Variants in MYO1D observed in about 807,000 individuals in gnomAD.
MYO1D encodes the protein unconventional myosin-Id.
MYO1D carries 83 observed loss-of-function variants against 122.0 expected under a neutral mutation model. The observed-to-expected ratio is 0.68, with a 90% CI of 0.57 to 0.82. The LOEUF (loss-of-function observed/expected upper bound fraction) is 0.82, where lower values mean the gene tolerates loss of function less well. MYO1D is among the 40% of genes least tolerant of loss of function. The pLI is 0.00. For missense variants in MYO1D, 1,157 were observed against 1,269.5 expected (o/e 0.91, Z 1.35); for synonymous variants, 464 against 446.9 (o/e 1.04, Z -0.48).
intron 19 of MYO1D, among the ~76,000 whole-genome samples, chr17:32,646,552 A>C (rs1451887719): frequency 1.3e-5 from 2 of 152,070 alleles, no homozygotes; most frequent in Non-Finnish European, 2.9e-5. Flanking sequence ...AGGGCAAAAG[A>C]ATATGATTTA....
At chr17:32,544,680 A>G (rs1181026848) in intron 21 of MYO1D, among the ~76,000 whole-genome samples, 1 of 152,194 alleles carries the variant, frequency 6.6e-6, no homozygotes, top group African/African-American at 2.4e-5. Context: ...AAGTAGGTAT[A>G]CTTGCATATA....
At chr17:32,671,301 C>T (rs1255173123) in intron 16 of MYO1D, among the ~76,000 whole-genome samples, 1 of 152,208 alleles carries the variant, frequency 6.6e-6, no homozygotes, top group Non-Finnish European at 1.5e-5. Flanking sequence ...CCCATACTCG[C>T]TCGCCCACGT....
intron 1 of MYO1D, among the ~76,000 whole-genome samples, chr17:32,839,369 A>G (rs1390191736): frequency 1.3e-5 from 2 of 152,270 alleles, no homozygotes; most frequent in African/African-American, 4.8e-5. Flanking sequence ...CCTTATCAAA[A>G]TAATTGTAAC....
chr17:32,612,885 C>T (rs1421163695), intron 20 of MYO1D, among the ~76,000 whole-genome samples: 1 of 151,868 alleles, frequency 6.6e-6, no homozygotes, highest in Non-Finnish European at 1.5e-5. Context: ...CTTCCCACCC[C>T]AGCCTCCCAT....
At chr17:32,813,712 G>A (rs1164385048) in intron 1 of MYO1D, among the ~76,000 whole-genome samples, 2 of 152,328 alleles carry the variant, frequency 1.3e-5, no homozygotes, top group Admixed American at 6.5e-5. Flanking sequence ...TCCAAGTCAT[G>A]TTAAGAAGTT....
intron 1 of MYO1D, among the ~76,000 whole-genome samples, chr17:32,841,521 A>G (rs1168703414): frequency 1.3e-5 from 2 of 152,054 alleles, no homozygotes; most frequent in African/African-American, 4.8e-5. Context: ...CTGCATTTAA[A>G]TTGTAGCTCC....
chr17:32,528,132 C>T (rs58945645), intron 21 of MYO1D, among the ~76,000 whole-genome samples: 1,843 of 152,322 alleles, frequency 0.012, 23 homozygotes, highest in Middle Eastern at 0.048. Context: ...CCACTGCGCC[C>T]GGCTGACTTG....
At chr17:32,811,543 T>C (rs2090571941) in intron 1 of MYO1D, among the ~76,000 whole-genome samples, 1 of 151,242 alleles carries the variant, frequency 6.6e-6, no homozygotes, top group Non-Finnish European at 1.5e-5. Context: ...TTACTTCTAA[T>C]CATGAAATAT....
intron 21 of MYO1D, among the ~76,000 whole-genome samples, chr17:32,503,393 A>T (rs1909387203): frequency 6.6e-6 from 1 of 152,234 alleles, no homozygotes; most frequent in South Asian, 2.1e-4. Context: ...GCCAGGCAGG[A>T]CTTGAAGAAA....
In MYO1D at chr17:32,705,184, T is replaced by C. The variant is rs1032697374; in HGVS notation, c.2121+6804A>G. Among the ~76,000 whole-genome samples the C allele has an allele frequency of 2.4e-4, 36 of 152,120 alleles. 1 individual carries two copies. Among genetic ancestry groups the C allele is most frequent in the Non-Finnish European group, 1.2e-4 (8 of 68,026 alleles). ...CCAATGCAGATAGAAAATACAATATTCACAGGATGTGAAACCTGTGTATAC... is the reference window on the plus strand; with the variant it reads ...CCAATGCAGATAGAAAATACAATATCCACAGGATGTGAAACCTGTGTATAC... On this transcript the variant is annotated intron_variant, in intron 16 of 21. Transcript: ENST00000318217.
chr17:32,852,507 T>C (rs2090997929), intron 1 of MYO1D, among the ~76,000 whole-genome samples: 1 of 152,200 alleles, frequency 6.6e-6, no homozygotes, highest in African/African-American at 2.4e-5. Context: ...AGAATTGTGA[T>C]CTTAGAAAAT....
chr17:32,524,448 G>A (rs532659437), intron 21 of MYO1D, among the ~76,000 whole-genome samples: 8 of 151,836 alleles, frequency 5.3e-5, no homozygotes, highest in Non-Finnish European at 8.8e-5. Context: ...GCTGGAGTGC[G>A]GTGGCACCAT....
intron 1 of MYO1D, among the ~76,000 whole-genome samples, chr17:32,869,312 G>C (rs988050861): frequency 6.6e-6 from 1 of 152,136 alleles, no homozygotes; most frequent in Admixed American, 6.5e-5. Context: ...CCAAATCAAG[G>C]CATCTAATAA....
intron 21 of MYO1D, among the ~76,000 whole-genome samples, chr17:32,524,563 T>A (rs1910273290): frequency 1.7e-5 from 2 of 121,164 alleles, no homozygotes; most frequent in Non-Finnish European, 3.7e-5. Flanking sequence ...CCTGATTAAT[T>A]CTTTTTTTTT....
intron 8 of MYO1D, among the ~76,000 whole-genome samples, chr17:32,762,758 T>G (rs1405912938): frequency 3.3e-5 from 5 of 150,740 alleles, no homozygotes; most frequent in Non-Finnish European, 5.9e-5. Flanking sequence ...CCTGTAATCC[T>G]AGCTACTCAG....
At chr17:32,505,973 C>T (rs1011702228) in intron 21 of MYO1D, among the ~76,000 whole-genome samples, 1 of 152,228 alleles carries the variant, frequency 6.6e-6, no homozygotes, top group Non-Finnish European at 1.5e-5. Flanking sequence ...AATCCTAGCA[C>T]TTTGGGAGGC....
chr17:32,721,449 T>A (rs1279747385), intron 14 of MYO1D, among the ~76,000 whole-genome samples: 2 of 152,286 alleles, frequency 1.3e-5, no homozygotes, highest in East Asian at 1.9e-4. Flanking sequence ...AACTAGGAAG[T>A]AAATAACAGA....
chr17:32,691,397 G>C (rs536563218), intron 16 of MYO1D, among the ~76,000 whole-genome samples: 12 of 141,942 alleles, frequency 8.5e-5, no homozygotes, highest in Non-Finnish European at 1.4e-4. Context: ...ATGTTGCAAA[G>C]AAAATTCTTT....
intron 21 of MYO1D, among the ~76,000 whole-genome samples, chr17:32,555,750 C>A (rs200379859): frequency 1.3e-5 from 2 of 152,216 alleles, no homozygotes; most frequent in East Asian, 3.9e-4. Context: ...CCTCCTCACA[C>A]CACGTGCAAA....
Sources: allele counts gnomAD v4.1 joint callset (sites outside exome capture counted in the v4.1 genomes callset), GRCh38; gene constraint gnomAD v4.1.1; transcripts MANE v1.5; gene names NCBI Gene and HGNC (gene_info 2026-07-23, HGNC 2026-07-21).